Variants in ANKRD55 observed in about 807,000 individuals in gnomAD.
ANKRD55 encodes the protein ankyrin repeat domain-containing protein 55.
ANKRD55 carries 41 observed loss-of-function variants against 60.6 expected under a neutral mutation model. That is an observed-to-expected ratio of 0.68 (90% CI 0.53 to 0.88). The LOEUF is 0.88. Among genes scored for constraint, ANKRD55 ranks in the 40% least tolerant of loss-of-function variants. The pLI is 0.00. For synonymous variants in ANKRD55, 264 were observed against 290.3 expected (o/e 0.91, Z 0.92); for missense variants, 732 against 767.6 (o/e 0.95, Z 0.55).
chr5:56,122,267 A>G (rs1757086988), intron 8 of ANKRD55, among the ~76,000 whole-genome samples: 1 of 152,230 alleles, frequency 6.6e-6, no homozygotes, highest in African/African-American at 2.4e-5. Flanking sequence ...GAGGTGGCCT[A>G]AAGACGATTA....
intron 3 of ANKRD55, 61 bp from the exon 4 acceptor site, chr5:56,176,343 C>G (rs138387290): frequency 1.3e-6 from 2 of 1,594,340 alleles, no homozygotes; most frequent in East Asian, 4.5e-5. Flanking sequence ...GATGAGCAGG[C>G]TTTATTGGCC....
At chr5:56,158,183 T>TAA (rs35848942) in intron 6 of ANKRD55, among the ~76,000 whole-genome samples, 13 of 148,478 alleles carry the variant, frequency 8.8e-5, no homozygotes, top group Middle Eastern at 7.0e-3. Context: ...TCTGTCTATT[T>TAA]AAAAAAAAAA....
chr5:56,188,138 G>A (rs1439692947), intron 2 of ANKRD55, among the ~76,000 whole-genome samples: 1 of 152,102 alleles, frequency 6.6e-6, no homozygotes, highest in African/African-American at 2.4e-5. Flanking sequence ...AAGCCACTCA[G>A]CACTAGCATT....
Position 56,233,007 on chromosome 5 carries a change from C to T in ANKRD55, c.-33-61G>A, listed in dbSNP as rs1247406476. The T allele has an allele frequency of 1.5e-5, 18 of 1,210,052 alleles. No homozygotes were observed. In the South Asian group the frequency reaches 1.6e-4, roughly 11 times the overall value. 75.0% of individuals were successfully genotyped at this position (1,210,052 alleles called of 1,614,324 possible). On this transcript the variant is annotated intron_variant, in intron 1 of 11. Coordinates refer to ENST00000341048, the MANE Select transcript of ANKRD55 (RefSeq NM_024669.3). Reference sequence around the variant, plus strand: ...TCAACATGACAGTCAGAGGCAGCATCGTTTGCCAAGACCTCTGTTTCAGGA... The same window carrying T: ...TCAACATGACAGTCAGAGGCAGCATTGTTTGCCAAGACCTCTGTTTCAGGA...
At position 56,170,545 on chromosome 5, in the gene ANKRD55, G is replaced by A. The variant is rs890395699; in HGVS notation, c.422+149C>T. On this transcript the variant is annotated intron_variant, in intron 5 of 11. Coordinates refer to ENST00000341048, the MANE Select transcript of ANKRD55 (RefSeq NM_024669.3). The stretch of plus-strand genomic sequence containing the variant: ...ATTTGAAATTATTCTAGAATATTTT[G>A]TTGTGGTCCTATCTGCTGCAACTTC... 1.6e-5 allele frequency: 9 copies of A among 577,270 alleles called. No individual in the cohort carries two copies. In the East Asian group the frequency reaches 2.2e-4, roughly 14 times the overall value. The allele number at this position is 577,270 out of a possible 1,614,324, so 35.8% of individuals were successfully genotyped here.
At chr5:56,191,917 G>A (rs916696859) in intron 2 of ANKRD55, among the ~76,000 whole-genome samples, 1 of 152,198 alleles carries the variant, frequency 6.6e-6, no homozygotes, top group Non-Finnish European at 1.5e-5. Flanking sequence ...ACTGTACAGA[G>A]AATTTCTATA....
At chr5:56,219,557 A>G (rs1247219187) in intron 2 of ANKRD55, among the ~76,000 whole-genome samples, 1 of 152,208 alleles carries the variant, frequency 6.6e-6, no homozygotes, top group Non-Finnish European at 1.5e-5. Flanking sequence ...TAAAACCATC[A>G]TGACTTTAAA....
At chr5:56,162,219 G>A (rs1156937360) in intron 5 of ANKRD55, among the ~76,000 whole-genome samples, 1 of 152,196 alleles carries the variant, frequency 6.6e-6, no homozygotes, top group Non-Finnish European at 1.5e-5. Context: ...GGGGTAGGGA[G>A]AGCAGGACCT....
intron 10 of ANKRD55, among the ~76,000 whole-genome samples, chr5:56,107,147 G>A (rs1250705436): frequency 6.6e-6 from 1 of 151,974 alleles, no homozygotes; most frequent in African/African-American, 2.4e-5. Flanking sequence ...ATCTAAACAT[G>A]AGAAGAAAGT....
At chr5:56,153,379 G>T (rs559390655) in intron 6 of ANKRD55, among the ~76,000 whole-genome samples, 77 of 152,310 alleles carry the variant, frequency 5.1e-4, no homozygotes, top group Non-Finnish European at 9.6e-4. Context: ...ATTCTTTTAA[G>T]AGAAATGCTT....
At chr5:56,162,042 ATTGT>A in intron 5 of ANKRD55, 3 of 985,026 alleles carry the variant, frequency 3.0e-6, no homozygotes, top group Non-Finnish European at 3.6e-6. Context: ...ATTATTGGCC[ATTGT>A]TTACTCTCTA....
chr5:56,193,087 A>G, intron 2 of ANKRD55: 1 of 739,648 alleles, frequency 1.4e-6, no homozygotes. Flanking sequence ...ATAATTTGAG[A>G]TGGCTTCTTT....
intron 5 of ANKRD55, among the ~76,000 whole-genome samples, chr5:56,165,225 A>G (rs1024162006): frequency 3.3e-5 from 5 of 152,150 alleles, no homozygotes; most frequent in Non-Finnish European, 7.3e-5. Flanking sequence ...ATGCCAGTTT[A>G]CAAAGGTGTG....
At chr5:56,155,061 T>C (rs1038016483) in intron 6 of ANKRD55, among the ~76,000 whole-genome samples, 1 of 151,960 alleles carries the variant, frequency 6.6e-6, no homozygotes, top group African/African-American at 2.4e-5. Flanking sequence ...GGAAGACCCC[T>C]GTCTCTACCA....
intron 2 of ANKRD55, among the ~76,000 whole-genome samples, chr5:56,205,729 C>G (rs1253579723): frequency 6.6e-6 from 1 of 152,102 alleles, no homozygotes; most frequent in East Asian, 1.9e-4. Context: ...CTACTGTGCC[C>G]ACTTATAAAA....
At chr5:56,145,361 A>G (rs1363129336) in intron 6 of ANKRD55, among the ~76,000 whole-genome samples, 1 of 152,170 alleles carries the variant, frequency 6.6e-6, no homozygotes, top group Non-Finnish European at 1.5e-5. Context: ...CCTGGGCTAG[A>G]AAAAAAGCCC....
At chr5:56,137,129 C>A in intron 7 of ANKRD55, 1 of 1,301,924 alleles carries the variant, frequency 7.7e-7, no homozygotes. Context: ...TGAAAGATGT[C>A]ACTTTACAGA....
chr5:56,161,633 A>G (rs1330260787), intron 5 of ANKRD55, among the ~76,000 whole-genome samples: 1 of 152,206 alleles, frequency 6.6e-6, no homozygotes, highest in Non-Finnish European at 1.5e-5. Flanking sequence ...TTGTTGTATC[A>G]TAGTCTTTTG....
chr5:56,223,712 T>C (rs1760030026), intron 2 of ANKRD55, among the ~76,000 whole-genome samples: 1 of 151,960 alleles, frequency 6.6e-6, no homozygotes, highest in African/African-American at 2.4e-5. Context: ...TAAAACAGAC[T>C]TTAAACCAAC....
Sources: allele counts gnomAD v4.1 joint callset (sites outside exome capture counted in the v4.1 genomes callset), GRCh38; gene constraint gnomAD v4.1.1; transcripts MANE v1.5; gene names NCBI Gene and HGNC (gene_info 2026-07-23, HGNC 2026-07-21).